The following FBXO44 variants were observed in gnomAD, a reference collection of about 807,000 sequenced individuals.
FBXO44 encodes the protein F-box protein 44.
A neutral mutation model predicts 33.5 loss-of-function variants in FBXO44; 25 were observed. The observed-to-expected ratio is 0.75, with a 90% confidence interval of 0.54 to 1.04. FBXO44 has a LOEUF of 1.04. Ranked by LOEUF, FBXO44 falls within the 50% of genes least tolerant of loss-of-function variation. The pLI, the probability that FBXO44 is intolerant of heterozygous loss-of-function variation, is 0.00. For missense variants in FBXO44, 311 were observed against 344.0 expected (o/e 0.90, Z 0.76); for synonymous variants, 147 against 152.8 (o/e 0.96, Z 0.28).
intron 5 of FBXO44, among the ~76,000 whole-genome samples, chr1:11,659,723 T>C (rs912220757): frequency 2.6e-5 from 4 of 152,128 alleles, no homozygotes; most frequent in African/African-American, 9.7e-5. Flanking sequence ...CTCGCACTCC[T>C]GGCCTCAAGT....
At position 11,658,589 on chromosome 1, in the gene FBXO44, T is replaced by G. The variant is rs375259743; in HGVS notation, c.449T>G (p.Leu150Arg). Residue 150 changes from leucine (L) to arginine (R), a missense_variant, in exon 4 of 6, where the codon CTG becomes CGG. Leu to Arg is a moderately radical substitution (Grantham distance 102). Transcript: ENST00000251547. ...DLKAEGYWEE[L>R]MDTTRPDIEV... ...AAGGCCGAAGGGTATTGGGAGGAGC[T>G]GATGGATACCACACGGCCGGACATC... The G allele has an allele frequency of 1.1e-4, 170 of 1,613,394 alleles. No homozygotes were observed. Among genetic ancestry groups the G allele is most frequent in the Non-Finnish European group, 1.2e-4 (147 of 1,179,984 alleles).
Position 11,658,757 on chromosome 1 carries a change from C to T in FBXO44, c.510C>T (p.Cys170=), listed in dbSNP as rs749723056. The T allele has an allele frequency of 1.5e-5, 24 of 1,614,008 alleles. No homozygotes were observed. In the East Asian group the frequency reaches 1.8e-4, roughly 12 times the overall value. The part of the protein sequence containing the change: ...VKDWFAARPD[C]GSKYQLCVQL... ...GCAGGTTCGCAGCCAGGCCAGATTGCGGGTCCAAGTACCAGCTGTGCGTTC... is the reference window on the plus strand; with the variant it reads ...GCAGGTTCGCAGCCAGGCCAGATTGTGGGTCCAAGTACCAGCTGTGCGTTC... The change falls in exon 5 of 6, where the codon TGC becomes TGT. Residue 170 remains cysteine (C), a synonymous_variant. Transcript: ENST00000251547.
chr1:11,658,339 A>G lies in FBXO44; in HGVS notation c.338A>G (p.Gln113Arg). ...AAGGTGGAGGATCTCTCTCGAGACC[A>G]GAGGAAGGAATTCCCCAATGACCAG... Reference protein sequence around the residue: ...EWKVEDLSRDQRKEFPNDQVK... With the variant: ...EWKVEDLSRDRRKEFPNDQVK... The change falls in exon 3 of 6, where the codon CAG (glutamine) becomes CGG (arginine). Residue 113 changes from glutamine to arginine, a missense_variant. Physicochemically the swap from Gln to Arg is conservative, Grantham distance 43. Coordinates refer to ENST00000251547, the MANE Select transcript of FBXO44 (RefSeq NM_033182.7). The G allele has an allele frequency of 1.9e-6, 3 of 1,613,264 alleles. No individual in the cohort carries two copies. Among genetic ancestry groups the G allele is most frequent in the Non-Finnish European group, 2.5e-6 (3 of 1,179,766 alleles).
intron 1 of FBXO44, chr1:11,655,505 G>T: frequency 5.3e-6 from 2 of 377,740 alleles, no homozygotes; most frequent in South Asian, 3.4e-5. Flanking sequence ...CCCCATTAAA[G>T]ACTGGCCTAC....
chr1:11,660,154 A>ATTT (rs1448592443), intron 5 of FBXO44, among the ~76,000 whole-genome samples: 1 of 152,004 alleles, frequency 6.6e-6, no homozygotes. Flanking sequence ...ATTTCATCTA[A>ATTT]TTTTACTTAA....
At position 11,658,831 on chromosome 1, in the gene FBXO44, C is replaced by A; in HGVS notation, c.584C>A (p.Pro195Gln). 6.2e-7 allele frequency: 1 copy of A among 1,612,252 alleles called. No individual in the cohort carries two copies. The change falls in exon 5 of 6, where the codon CCG becomes CAG. Residue 195 changes from proline to glutamine, a missense_variant. Coordinates refer to ENST00000251547, the MANE Select transcript of FBXO44 (RefSeq NM_033182.7). ...HAPLGTFQPD[P>Q]ATIQQKSDAK... ...CCTCTGGGGACCTTCCAGCCAGACC[C>A]GGCGACCATCCAGCAGAAGAGCGAT... is the stretch of plus-strand genomic sequence containing the variant.
rs529948237 is a variant in FBXO44, at chr1:11,658,774, T to C, written c.527T>C (p.Leu176Pro). The change falls in exon 5 of 6, where the codon CTG becomes CCG. Residue 176 changes from leucine to proline, a missense_variant. Transcript: ENST00000251547. ...CCAGATTGCGGGTCCAAGTACCAGC[T>C]GTGCGTTCAGCTCCTGTCGTCCGCG... is the stretch of plus-strand genomic sequence containing the variant. Reference protein sequence around the residue: ...ARPDCGSKYQLCVQLLSSAHA... With the variant: ...ARPDCGSKYQPCVQLLSSAHA... 1.9e-6 allele frequency: 3 copies of C among 1,613,930 alleles called. No individual in the cohort carries two copies. The highest frequency in any genetic ancestry group is 1.1e-5 in the South Asian group (1 of 91,076).
Position 11,661,609 on chromosome 1 carries a change from T to G in FBXO44, c.*336T>G. 5.8e-6 allele frequency: 2 copies of G among 344,770 alleles called. No individual in the cohort carries two copies. The highest frequency in any genetic ancestry group is 5.3e-6 in the Non-Finnish European group (1 of 187,544). 21.4% of individuals were successfully genotyped at this position (344,770 alleles called of 1,614,324 possible). ...AGGCCAGCCTGGATCTGTCTCTCCC[T>G]TCCCCTCCTGGGACCATTCTACCTG... On this transcript the variant is annotated 3_prime_UTR_variant, in exon 6 of 6. Transcript: ENST00000251547. This position sits in a 1 kb window ranked among gnomAD's most constrained non-coding sequence, Gnocchi z 4.4.
At position 11,655,930 on chromosome 1, in the gene FBXO44, T is replaced by C; in HGVS notation, c.95T>C (p.Leu32Pro). The C allele has an allele frequency of 6.2e-7, 1 of 1,614,026 alleles. No individual in the cohort carries two copies. Among genetic ancestry groups the C allele is most frequent in the Non-Finnish European group, 8.5e-7 (1 of 1,180,036 alleles). Residue 32 changes from leucine (L) to proline (P), a missense_variant, in exon 2 of 6, where the codon CTG becomes CCG. Coordinates refer to ENST00000251547, the MANE Select transcript of FBXO44 (RefSeq NM_033182.7). Reference sequence around the variant, plus strand: ...CGCCAGCTGCTGCTGAACTGCCGCCTGGTCTGCAGCCTCTGGCGGGACCTC... The same window carrying C: ...CGCCAGCTGCTGCTGAACTGCCGCCCGGTCTGCAGCCTCTGGCGGGACCTC... ...PARQLLLNCR[L>P]VCSLWRDLID...
chr1:11,656,913 C>CT (rs1639851258), intron 2 of FBXO44, among the ~76,000 whole-genome samples: 1 of 152,204 alleles, frequency 6.6e-6, no homozygotes, highest in Non-Finnish European at 1.5e-5. Context: ...GTTGGGCCTA[C>CT]TGACATGGTC....
chr1:11,662,283 C>T lies in FBXO44; in HGVS notation c.*1010C>T, dbSNP rs1390784139. The stretch of plus-strand genomic sequence containing the variant: ...GCATGCAGCCAAATAAAAGGTGTGC[C>T]CAGTCTAACCTGTGCCCTGTGGTTT... On this transcript the variant is annotated 3_prime_UTR_variant, in exon 6 of 6. Coordinates refer to ENST00000251547, the MANE Select transcript of FBXO44 (RefSeq NM_033182.7). 6.6e-6 allele frequency: 1 copy of T among 152,222 alleles called. No homozygotes were observed. The highest frequency in any genetic ancestry group is 1.9e-4 in the East Asian group (1 of 5,198). The allele number at this position is 152,222 out of a possible 1,614,324, so 9.4% of individuals were successfully genotyped here. A position where few individuals can be genotyped will look rare whatever the true frequency, so the allele number is the denominator to read the frequency against.
chr1:11,656,209 A>T, intron 2 of FBXO44, 109 bp downstream of exon 2: 2 of 1,433,286 alleles, frequency 1.4e-6, no homozygotes, highest in South Asian at 1.4e-5. Context: ...TAACACCTTT[A>T]CTTCTCTCAC....
In FBXO44 at chr1:11,656,063, C is replaced by G. The variant is rs201157734; in HGVS notation, c.228C>G (p.Ser76Arg). ...GGAAGATCTTCTACTTCTTACGGAG[C>G]CTGCACAGGAACCTCCTGCACAACC... The part of the protein sequence containing the change: ...ADWKIFYFLR[S>R]LHRNLLHNPC... Residue 76 changes from serine to arginine, a missense_variant, in exon 2 of 6, where the codon AGC becomes AGG. Ser to Arg is a moderately radical substitution (Grantham distance 110, BLOSUM62 -1). Transcript: ENST00000251547. 1.2e-6 allele frequency: 2 copies of G among 1,614,136 alleles called. No individual in the cohort carries two copies. The highest frequency in any genetic ancestry group is 1.3e-5 in the African/African-American group (1 of 75,040).
rs955379156 is a variant in FBXO44 at position 11,658,590 on chromosome 1, G to T, written c.450G>T (p.Leu150=). 3 of 1,613,368 alleles carry T rather than the reference G, an allele frequency of 1.9e-6. No homozygotes were observed. In the African/African-American group the frequency reaches 4.0e-5, roughly 22 times the overall value. The change falls in exon 4 of 6, where the codon CTG becomes CTT. Residue 150 remains leucine, a synonymous_variant. Transcript: ENST00000251547. ...DLKAEGYWEE[L]MDTTRPDIEV... ...AGGCCGAAGGGTATTGGGAGGAGCT[G>T]ATGGATACCACACGGCCGGACATCG... is the stretch of plus-strand genomic sequence containing the variant.
chr1:11,656,798 C>A (rs1003259058), intron 2 of FBXO44, among the ~76,000 whole-genome samples: 8 of 152,172 alleles, frequency 5.3e-5, no homozygotes, highest in African/African-American at 1.9e-4. Context: ...CCCCAGTGAC[C>A]TTTCCTAGGC....
Position 11,661,012 on chromosome 1 carries a change from G to A in FBXO44, c.625-118G>A. 1.9e-6 allele frequency: 2 copies of A among 1,073,382 alleles called. No individual in the cohort carries two copies. The highest frequency in any genetic ancestry group is 2.4e-5 in the East Asian group (1 of 41,464). The allele number at this position is 1,073,382 out of a possible 1,614,324, so 66.5% of individuals were successfully genotyped here. A position where few individuals can be genotyped will look rare whatever the true frequency, so the allele number is the denominator to read the frequency against. ...CGACAAGACTAGTTGCAAACTCCTG[G>A]GCTCAAACAACCCTCCCACCTCAGC... On this transcript the variant is annotated intron_variant, in intron 5 of 5. Coordinates refer to ENST00000251547, the MANE Select transcript of FBXO44 (RefSeq NM_033182.7). This position sits in a 1 kb window ranked among gnomAD's most constrained non-coding sequence, Gnocchi z 4.4.
Position 11,663,161 on chromosome 1 carries a change from T to C in FBXO44, c.*1888T>C, listed in dbSNP as rs767954782. The C allele has an allele frequency of 6.6e-6, 1 of 152,082 alleles. No individual in the cohort carries two copies. Among genetic ancestry groups the C allele is most frequent in the African/African-American group, 2.4e-5 (1 of 41,414 alleles). The allele number at this position is 152,082 out of a possible 1,614,324, so 9.4% of individuals were successfully genotyped here. A position where few individuals can be genotyped will look rare whatever the true frequency, so the allele number is the denominator to read the frequency against. ...TTTTAGTAGAGATGGAGTTTCACCA[T>C]GTTGGCCAGGGTGGTCTCAATCTCC... On this transcript the variant is annotated 3_prime_UTR_variant, in exon 6 of 6. Transcript: ENST00000251547.
Position 11,661,057 on chromosome 1 carries a change from C to T in FBXO44, c.625-73C>T. On this transcript the variant is annotated intron_variant, in intron 5 of 5. Coordinates refer to ENST00000251547, the MANE Select transcript of FBXO44 (RefSeq NM_033182.7). This position sits in a 1 kb window ranked among gnomAD's most constrained non-coding sequence, Gnocchi z 4.4. ...CTCAGCCTCCCAAAGTACTGGGATT[C>T]CCGGTGTGAGCCGCCACACCCAGCC... is the stretch of plus-strand genomic sequence containing the variant. 6.7e-7 allele frequency: 1 copy of T among 1,483,014 alleles called. No individual in the cohort carries two copies. The highest frequency in any genetic ancestry group is 9.2e-7 in the Non-Finnish European group (1 of 1,086,178). The allele number at this position is 1,483,014 out of a possible 1,614,324, so 91.9% of individuals were successfully genotyped here. A position where few individuals can be genotyped will look rare whatever the true frequency, so the allele number is the denominator to read the frequency against.
intron 2 of FBXO44, among the ~76,000 whole-genome samples, chr1:11,656,603 C>A (rs1004988652): frequency 7.1e-6 from 1 of 140,856 alleles, no homozygotes; most frequent in African/African-American, 3.2e-5. Flanking sequence ...CTGGGATTAC[C>A]GGTGCCCGCC....
Sources: gnomAD v4.1 joint callset for allele counts (sites outside exome capture counted in the v4.1 genomes callset) on GRCh38, gnomAD v4.1.1 for gene constraint, Gnocchi (gnomAD v3.1) non-coding constraint, MANE v1.5 for transcripts, NCBI Gene and HGNC (gene_info 2026-07-23, HGNC 2026-07-21) for gene names.